The following NIBAN1 variants were observed in gnomAD, a reference collection of about 807,000 sequenced individuals.
NIBAN1 encodes the protein protein Niban 1.
NIBAN1 carries 81 observed loss-of-function variants against 75.1 expected under a neutral mutation model. The observed-to-expected ratio is 1.08, with a 90% CI of 0.90 to 1.30. The LOEUF (loss-of-function observed/expected upper bound fraction) is 1.30. Ranked by LOEUF, NIBAN1 falls within the 50% of genes most tolerant of loss-of-function variation. NIBAN1 has a pLI of 0.00. For missense variants in NIBAN1, 1,133 were observed against 1,128.1 expected (o/e 1.00, Z -0.06); for synonymous variants, 436 against 424.8 (o/e 1.03, Z -0.32).
At chr1:184,826,608 A>G (rs1466319158) in intron 6 of NIBAN1, among the ~76,000 whole-genome samples, 1 of 152,228 alleles carries the variant, frequency 6.6e-6, no homozygotes, top group Non-Finnish European at 1.5e-5. Flanking sequence ...CAAGGGTCAT[A>G]AGAATTGTCC....
chr1:184,908,763 C>T (rs142727907), intron 1 of NIBAN1, among the ~76,000 whole-genome samples: 1 of 152,172 alleles, frequency 6.6e-6, no homozygotes, highest in Non-Finnish European at 1.5e-5. Flanking sequence ...CCAATTTTCT[C>T]ATGATACATC....
chr1:184,901,597 A>T (rs1411398997), intron 1 of NIBAN1, among the ~76,000 whole-genome samples: 1 of 152,210 alleles, frequency 6.6e-6, no homozygotes, highest in East Asian at 1.9e-4. Context: ...TGTTTGGTCT[A>T]TCAGAAAAGC....
chr1:184,860,271 C>CG (rs1655782390), intron 5 of NIBAN1, among the ~76,000 whole-genome samples: 1 of 36,694 alleles, frequency 2.7e-5, no homozygotes, highest in Non-Finnish European at 5.1e-5. Context: ...AGCACTGCGG[C>CG]GGGGGCGGGG....
At chr1:184,926,203 G>A (rs575713362) in intron 1 of NIBAN1, among the ~76,000 whole-genome samples, 30 of 152,194 alleles carry the variant, frequency 2.0e-4, no homozygotes, top group African/African-American at 6.5e-4. Context: ...TCTGCTGCCA[G>A]ACATATTGGA....
chr1:184,828,204 G>A (rs1419145655), intron 6 of NIBAN1, among the ~76,000 whole-genome samples: 1 of 152,144 alleles, frequency 6.6e-6, no homozygotes, highest in African/African-American at 2.4e-5. Context: ...AAGTTATTCT[G>A]AGATAGTTGC....
intron 5 of NIBAN1, among the ~76,000 whole-genome samples, chr1:184,837,196 G>A (rs751693011): frequency 6.6e-6 from 1 of 152,138 alleles, no homozygotes; most frequent in African/African-American, 2.4e-5. Context: ...CTACTCTCCT[G>A]CCAATAAGCA....
chr1:184,928,010 G>A (rs917267327), intron 1 of NIBAN1, among the ~76,000 whole-genome samples: 4 of 152,068 alleles, frequency 2.6e-5, no homozygotes, highest in African/African-American at 9.7e-5. Context: ...GGCAAGTACT[G>A]CCTGGGTACT....
At chr1:184,830,698 A>G (rs1654973273) in intron 6 of NIBAN1, among the ~76,000 whole-genome samples, 1 of 151,904 alleles carries the variant, frequency 6.6e-6, no homozygotes, top group African/African-American at 2.4e-5. Context: ...ACCCTAGGAG[A>G]TGTGGAAAAA....
At position 184,799,848 on chromosome 1, in the gene NIBAN1, C is replaced by T. The variant is rs1653983866; in HGVS notation, c.1555-1658G>A. ...GCAAGCTCCGCCTCCCGGGTTCAAG[C>T]CATTCTCCTGCCTCAGCCTCCCGAG... On this transcript the variant is annotated intron_variant, in intron 12 of 13. Coordinates refer to ENST00000367511, the MANE Select transcript of NIBAN1 (RefSeq NM_052966.4). 2.1e-5 allele frequency among the ~76,000 whole-genome samples: 2 copies of T among 93,738 alleles called. 1 individual carries two copies. Among genetic ancestry groups the T allele is most frequent in the Admixed American group, 2.0e-4 (2 of 10,002 alleles). 61.5% of individuals were successfully genotyped at this position (93,738 alleles called of 152,430 possible).
At chr1:184,941,344 A>G (rs548445202) in intron 1 of NIBAN1, among the ~76,000 whole-genome samples, 250 of 152,220 alleles carry the variant, frequency 1.6e-3, no homozygotes, top group African/African-American at 5.7e-3. Flanking sequence ...AAATGTCAAC[A>G]CTTTCATTTA....
chr1:184,796,669 A>T (rs78764742), intron 13 of NIBAN1, among the ~76,000 whole-genome samples: 4 of 152,192 alleles, frequency 2.6e-5, no homozygotes, highest in Non-Finnish European at 4.4e-5. Context: ...ACAGCAGGTG[A>T]CATTTTTGAC....
intron 1 of NIBAN1, among the ~76,000 whole-genome samples, chr1:184,918,625 A>G (rs1657453163): frequency 6.6e-6 from 1 of 152,206 alleles, no homozygotes; most frequent in Non-Finnish European, 1.5e-5. Context: ...GTCAAATTGC[A>G]AGTCTACCTT....
chr1:184,942,462 A>C (rs1326958947), intron 1 of NIBAN1, among the ~76,000 whole-genome samples: 3 of 152,166 alleles, frequency 2.0e-5, no homozygotes, highest in African/African-American at 7.2e-5. Context: ...GGGAGGCCGA[A>C]GCTGGCGGAT....
chr1:184,888,334 A>T (rs952103140), intron 4 of NIBAN1, among the ~76,000 whole-genome samples: 1 of 152,212 alleles, frequency 6.6e-6, no homozygotes, highest in Non-Finnish European at 1.5e-5. Context: ...TTCTTGACTG[A>T]CATGGTTCTA....
intron 1 of NIBAN1, among the ~76,000 whole-genome samples, chr1:184,967,217 C>CTG (rs1332419606): frequency 6.6e-6 from 1 of 150,802 alleles, no homozygotes; most frequent in Non-Finnish European, 1.5e-5. Context: ...CTCTCTCTCT[C>CTG]TCTGTGTGTG....
chr1:184,910,917 G>A (rs1657224320), intron 1 of NIBAN1, among the ~76,000 whole-genome samples: 1 of 152,160 alleles, frequency 6.6e-6, no homozygotes, highest in Admixed American at 6.6e-5. Context: ...GACATGCACT[G>A]GAGCATGGGT....
At chr1:184,931,189 G>A (rs112646676) in intron 1 of NIBAN1, among the ~76,000 whole-genome samples, 4 of 151,910 alleles carry the variant, frequency 2.6e-5, no homozygotes, top group African/African-American at 9.6e-5. Flanking sequence ...TAGTAGAGAC[G>A]GGGTTTCACC....
At position 184,846,081 on chromosome 1, in the gene NIBAN1, A is replaced by G. The variant is rs1025239719; in HGVS notation, c.602-14119T>C. 1.1e-4 allele frequency among the ~76,000 whole-genome samples: 9 copies of G among 82,782 alleles called. 1 individual carries two copies. Among genetic ancestry groups the G allele is most frequent in the African/African-American group, 5.2e-4 (9 of 17,296 alleles). The allele number at this position is 82,782 out of a possible 152,430, so 54.3% of individuals were successfully genotyped here. A position where few individuals can be genotyped will look rare whatever the true frequency, so the allele number is the denominator to read the frequency against. On this transcript the variant is annotated intron_variant, in intron 5 of 13. Coordinates refer to ENST00000367511, the MANE Select transcript of NIBAN1 (RefSeq NM_052966.4). ...CGCCATTGCCCAGGCTTGCTTAGGT[A>G]AACAAAGCAGCCAGGAAGCTCGAAC...
intron 8 of NIBAN1, among the ~76,000 whole-genome samples, chr1:184,820,848 A>T (rs1056131523): frequency 6.6e-6 from 1 of 152,266 alleles, no homozygotes; most frequent in Admixed American, 6.5e-5. Flanking sequence ...TGAGGATTAA[A>T]TGAGTTTACT....
Sources: allele counts gnomAD v4.1 joint callset (sites outside exome capture counted in the v4.1 genomes callset), GRCh38; gene constraint gnomAD v4.1.1; transcripts MANE v1.5; gene names NCBI Gene and HGNC (gene_info 2026-07-23, HGNC 2026-07-21).